The following ZNF451 variants were observed in gnomAD, a reference collection of about 807,000 sequenced individuals.
The protein encoded by ZNF451 is zinc finger protein 451.
Under a neutral mutation model 107.1 loss-of-function variants are expected in ZNF451, and 80 were observed. That is an observed-to-expected ratio of 0.75 (90% CI 0.62 to 0.90). The LOEUF (loss-of-function observed/expected upper bound fraction) is 0.90, where lower values mean the gene tolerates loss of function less well. Ranked by LOEUF, ZNF451 falls within the 40% of genes least tolerant of loss-of-function variation. The pLI, the probability that ZNF451 is intolerant of heterozygous loss-of-function variation, is 0.00. For synonymous variants in ZNF451, 362 were observed against 406.5 expected, an observed-to-expected ratio of 0.89 and a Z score of 1.32; for missense variants, 1,107 against 1,236.2, an observed-to-expected ratio of 0.90 and a Z score of 1.57.
chr6:57,152,686 T>A, intron 12 of ZNF451, among the ~76,000 whole-genome samples: 1 of 152,248 alleles, frequency 6.6e-6, no homozygotes, highest in East Asian at 1.9e-4. Context: ...CTCAGCCCCC[T>A]GGGCTGAAAT....
intron 13 of ZNF451, chr6:57,159,232 C>T: frequency 1.0e-6 from 1 of 985,400 alleles, no homozygotes; most frequent in Non-Finnish European, 1.2e-6. Context: ...TTAATATTTG[C>T]AACCCCATGT....
At chr6:57,146,168 A>C (rs1832053927) in intron 9 of ZNF451, among the ~76,000 whole-genome samples, 1 of 152,078 alleles carries the variant, frequency 6.6e-6, no homozygotes, top group Non-Finnish European at 1.5e-5. Context: ...TTCCTAGTAG[A>C]TTCTGAATAT....
chr6:57,141,373 C>T lies in ZNF451; in HGVS notation c.774C>T (p.Cys258=). ...QIIQCFACPN[C]FLLFSRKEEC... ...TTCAGTGTTTTGCATGTCCAAATTG[C>T]TTCCTTCTTTTTAGCAGAAAGGAGG... The change falls in exon 8 of 15, where the codon TGC becomes TGT. Residue 258 remains cysteine, a synonymous_variant. Coordinates refer to ENST00000370706, the MANE Select transcript of ZNF451 (RefSeq NM_001031623.3). 3.1e-6 allele frequency: 5 copies of T among 1,613,300 alleles called. No individual in the cohort carries two copies. Among genetic ancestry groups the T allele is most frequent in the Non-Finnish European group, 4.2e-6 (5 of 1,179,602 alleles).
At chr6:57,129,799 A>G (rs1055852796) in intron 5 of ZNF451, among the ~76,000 whole-genome samples, 4 of 152,088 alleles carry the variant, frequency 2.6e-5, no homozygotes, top group East Asian at 1.9e-4. Context: ...CCTGCCCCCA[A>G]AAACCTTTTT....
rs1251136313 is a variant in ZNF451, at chr6:57,141,984, CT to C, written c.897del (p.Phe299LeufsTer6). 6.2e-7 allele frequency: 1 copy of C among 1,614,054 alleles called. No homozygotes were observed. The highest frequency in any genetic ancestry group is 1.1e-5 in the South Asian group (1 of 91,076). ...KGIAHPISFPSFAKKLLISLC... is the reference protein window; with the variant it reads ...KGIAHPISFPXFAKKLLISLC... Reference sequence around the variant, plus strand: ...ATTGCACATCCAATATCTTTCCCATCTTTTGCAAAGAAACTTTTGATCTCTC... The same window carrying C: ...ATTGCACATCCAATATCTTTCCCATCTTTGCAAAGAAACTTTTGATCTCTC... On this transcript the variant is annotated frameshift_variant, in exon 9 of 15. Coordinates refer to ENST00000370706, the MANE Select transcript of ZNF451 (RefSeq NM_001031623.3). LOFTEE classifies it high-confidence loss of function.
intron 2 of ZNF451, among the ~76,000 whole-genome samples, chr6:57,094,585 G>A (rs1231811437): frequency 6.6e-6 from 1 of 152,018 alleles, no homozygotes; most frequent in Non-Finnish European, 1.5e-5. Context: ...AGGACCATAC[G>A]CAGTTATAGT....
chr6:57,110,909 T>C (rs1440412678), intron 3 of ZNF451, among the ~76,000 whole-genome samples: 2 of 151,916 alleles, frequency 1.3e-5, no homozygotes, highest in African/African-American at 4.8e-5. Context: ...CCTTCTTTTT[T>C]TTTTTTTTCC....
chr6:57,147,280 T>G lies in ZNF451; in HGVS notation c.1195T>G (p.Leu399Val). ...RVINSVEESV[L>V]LYCHSSEGNK... The stretch of plus-strand genomic sequence containing the variant: ...CATTAACTCAGTGGAAGAATCAGTC[T>G]TACTCTATTGCCACAGCAGCGAAGG... Residue 399 changes from leucine to valine, a missense_variant, in exon 10 of 15, where the codon TTA becomes GTA. Leu to Val is a conservative substitution (Grantham distance 32). This residue lies in a region of ZNF451 where 608 missense variants were observed against 649.2 expected (regional missense o/e 0.94). Coordinates refer to ENST00000370706, the MANE Select transcript of ZNF451 (RefSeq NM_001031623.3). 1 of 1,614,122 alleles carries G rather than the reference T, an allele frequency of 6.2e-7. No homozygotes were observed. The highest frequency in any genetic ancestry group is 8.5e-7 in the Non-Finnish European group (1 of 1,179,992).
chr6:57,108,231 A>T (rs938186361), intron 3 of ZNF451: 1 of 985,396 alleles, frequency 1.0e-6, no homozygotes, highest in Non-Finnish European at 1.2e-6. Context: ...ACTAACTTTC[A>T]TATGCTATCT....
chr6:57,127,968 T>C (rs1831008611), intron 4 of ZNF451, among the ~76,000 whole-genome samples: 1 of 152,168 alleles, frequency 6.6e-6, no homozygotes, highest in South Asian at 2.1e-4. Context: ...TTACATATTG[T>C]CTGTGGCTGC....
intron 3 of ZNF451, chr6:57,107,745 T>A (rs1829932966): frequency 1.0e-6 from 1 of 985,434 alleles, no homozygotes; most frequent in Non-Finnish European, 1.2e-6. Flanking sequence ...TATTTTCTTT[T>A]AGGACTTTGG....
chr6:57,124,926 C>A, intron 4 of ZNF451, 67 bp downstream of exon 4: 2 of 1,121,674 alleles, frequency 1.8e-6, no homozygotes, highest in Non-Finnish European at 2.3e-6. Flanking sequence ...TGGTAAAAAG[C>A]CTTTAATCAA....
chr6:57,153,887 C>T lies in ZNF451; in HGVS notation c.2910C>T (p.Pro970=). The T allele has an allele frequency of 1.9e-6, 3 of 1,614,182 alleles. No individual in the cohort carries two copies. The highest frequency in any genetic ancestry group is 2.5e-6 in the Non-Finnish European group (3 of 1,180,040). ...CTGGCCGTCTAGATGAACAACTACC[C>T]AAGCAAATTCCTTTCACCATCCTCT... ...MHAGRLDEQL[P]KQIPFTILSG... Residue 970 remains proline (P), a synonymous_variant, in exon 13 of 15, where the codon CCC becomes CCT. Coordinates refer to ENST00000370706, the MANE Select transcript of ZNF451 (RefSeq NM_001031623.3).
At chr6:57,158,547 A>G (rs1156939047) in intron 13 of ZNF451, 2 of 985,300 alleles carry the variant, frequency 2.0e-6, no homozygotes, top group Admixed American at 6.1e-5. Context: ...CACTAGAACT[A>G]CAAGCACTGC....
chr6:57,090,386 C>T, intron 1 of ZNF451, 112 bp downstream of exon 1: 1 of 1,513,790 alleles, frequency 6.6e-7, no homozygotes, highest in East Asian at 2.4e-5. Flanking sequence ...GATACCTCTT[C>T]AGTGTCTTGG....
chr6:57,093,096 A>G (rs907917837), intron 2 of ZNF451: 1 of 152,180 alleles, frequency 6.6e-6, no homozygotes, highest in Non-Finnish European at 1.5e-5. Context: ...CCTTTATTCA[A>G]CTACTGTTTT....
At chr6:57,138,704 C>CATATATATATATATATAT (rs60629541) in intron 7 of ZNF451, among the ~76,000 whole-genome samples, 1 of 43,756 alleles carries the variant, frequency 2.3e-5, no homozygotes, top group African/African-American at 1.1e-4. Flanking sequence ...GCAGCTATGC[C>CATATATATATATATATAT]ATATATATAT....
chr6:57,164,443 T>C (rs1000397159), intron 14 of ZNF451, among the ~76,000 whole-genome samples: 2 of 152,230 alleles, frequency 1.3e-5, no homozygotes, highest in African/African-American at 4.8e-5. Flanking sequence ...TATATGTTCA[T>C]CTAAGGTCTA....
chr6:57,150,095 G>A (rs1039988695), intron 10 of ZNF451, among the ~76,000 whole-genome samples: 1 of 152,184 alleles, frequency 6.6e-6, no homozygotes, highest in African/African-American at 2.4e-5. Context: ...GGGAGAATGA[G>A]AGTTGGGGCA....
Sources: allele counts gnomAD v4.1 joint callset (sites outside exome capture counted in the v4.1 genomes callset), GRCh38; gene constraint gnomAD v4.1.1; regional missense constraint gnomAD v4.1.1; transcripts MANE v1.5; gene names NCBI Gene and HGNC (gene_info 2026-07-23, HGNC 2026-07-21).